The following CNBD1 variants were observed in gnomAD, a reference collection of about 807,000 sequenced individuals.
CNBD1 encodes cyclic nucleotide binding domain containing 1, also known as cyclic nucleotide-binding domain-containing protein 1.
In CNBD1, 71 loss-of-function variants were observed where a neutral mutation model predicts 54.4. The observed-to-expected ratio is 1.30, with a 90% confidence interval of 1.08 to 1.59. CNBD1 has a LOEUF of 1.59. Among genes scored for constraint, CNBD1 ranks in the 40% most tolerant of loss-of-function variants. The pLI, the probability that CNBD1 is intolerant of heterozygous loss-of-function variation, is 0.00. For synonymous variants in CNBD1, 182 were observed against 170.7 expected, an observed-to-expected ratio of 1.07 and a Z score of -0.51; for missense variants, 659 against 518.0, an observed-to-expected ratio of 1.27 and a Z score of -2.64.
At chr8:86,979,432 A>G (rs1261914255) in intron 4 of CNBD1, among the ~76,000 whole-genome samples, 4 of 145,092 alleles carry the variant, frequency 2.8e-5, no homozygotes, top group African/African-American at 7.6e-5. Context: ...AAAAAAAGGC[A>G]AAAACAATTT....
At chr8:87,039,563 AT>A (rs1486079969) in intron 4 of CNBD1, among the ~76,000 whole-genome samples, 3 of 152,148 alleles carry the variant, frequency 2.0e-5, no homozygotes, top group African/African-American at 7.2e-5. Flanking sequence ...GTTAAAAAAA[AT>A]GTATGTGTAG....
intron 2 of CNBD1, among the ~76,000 whole-genome samples, chr8:86,888,993 C>T (rs529922965): frequency 3.9e-5 from 6 of 152,208 alleles, no homozygotes; most frequent in Admixed American, 2.0e-4. Flanking sequence ...TGGGTGGTGT[C>T]GTCTTGTGAG....
chr8:86,925,469 G>T (rs183000338), intron 3 of CNBD1, among the ~76,000 whole-genome samples: 29 of 147,366 alleles, frequency 2.0e-4, no homozygotes, highest in African/African-American at 6.3e-4. Flanking sequence ...AAATATATAC[G>T]GGCTTACCAA....
intron 6 of CNBD1, among the ~76,000 whole-genome samples, chr8:87,272,602 C>A (rs867547613): frequency 3.9e-5 from 6 of 152,026 alleles, no homozygotes; most frequent in Middle Eastern, 3.4e-3. Context: ...TGATATTAAG[C>A]TCCCAAAATG....
chr8:87,330,536 T>A (rs1809802577), intron 8 of CNBD1, among the ~76,000 whole-genome samples: 1 of 152,146 alleles, frequency 6.6e-6, no homozygotes, highest in African/African-American at 2.4e-5. Context: ...GATTTTATCT[T>A]TGACCCATGT....
At chr8:87,384,891 G>C (rs920561752), downstream of CNBD1, among the ~76,000 whole-genome samples, 4 of 152,106 alleles carry the variant, frequency 2.6e-5, no homozygotes, top group East Asian at 7.7e-4. Context: ...TGAGTGAAAG[G>C]GGACATTGTA....
At chr8:87,357,003 G>A (rs1483987184) in intron 10 of CNBD1, among the ~76,000 whole-genome samples, 1 of 152,188 alleles carries the variant, frequency 6.6e-6, no homozygotes, top group Non-Finnish European at 1.5e-5. Flanking sequence ...TACAGCATGG[G>A]CTACTGCTCC....
intron 4 of CNBD1, among the ~76,000 whole-genome samples, chr8:87,053,788 G>C (rs1475514439): frequency 6.6e-6 from 1 of 152,134 alleles, no homozygotes; most frequent in East Asian, 1.9e-4. Context: ...GTTGTACTTG[G>C]GCAAAGCCCC....
At chr8:87,299,768 T>C (rs773681951) in intron 8 of CNBD1, among the ~76,000 whole-genome samples, 2 of 152,152 alleles carry the variant, frequency 1.3e-5, no homozygotes, top group Admixed American at 6.6e-5. Flanking sequence ...ATGGCAGATG[T>C]GGCCCTATGC....
At chr8:87,149,117 T>A (rs1322815079) in intron 4 of CNBD1, among the ~76,000 whole-genome samples, 1 of 152,224 alleles carries the variant, frequency 6.6e-6, no homozygotes, top group Non-Finnish European at 1.5e-5. Context: ...GAGGTTGAAA[T>A]GTCTTTTATT....
chr8:87,047,856 A>G (rs1810229419), intron 4 of CNBD1, among the ~76,000 whole-genome samples: 1 of 152,242 alleles, frequency 6.6e-6, no homozygotes, highest in Admixed American at 6.5e-5. Flanking sequence ...GCAGATCTCA[A>G]AAGGAAAAGT....
chr8:87,356,766 A>G lies in CNBD1; in HGVS notation c.1303+2980A>G, dbSNP rs1810427638. On this transcript the variant is annotated intron_variant, in intron 10 of 10. Coordinates refer to ENST00000518476, the MANE Select transcript of CNBD1 (RefSeq NM_173538.3). ...TGTGGAGCAACAACTTGCTAGAGGG[A>G]TTAGCTTGACTAAAAGGGAGACAAG... is the stretch of plus-strand genomic sequence containing the variant. Among the ~76,000 whole-genome samples the G allele has an allele frequency of 2.0e-5, 3 of 152,196 alleles. 1 individual carries two copies. In the South Asian group the frequency reaches 6.2e-4, roughly 31 times the overall value.
At chr8:87,143,240 A>G (rs1459870298) in intron 4 of CNBD1, among the ~76,000 whole-genome samples, 4 of 152,286 alleles carry the variant, frequency 2.6e-5, no homozygotes, top group African/African-American at 9.6e-5. Context: ...TCTCTACAGT[A>G]TGCCAAGGGA....
intron 4 of CNBD1, among the ~76,000 whole-genome samples, chr8:86,962,264 G>T (rs1807949931): frequency 6.6e-6 from 1 of 152,160 alleles, no homozygotes; most frequent in Non-Finnish European, 1.5e-5. Flanking sequence ...TCCAGAAAAA[G>T]AAGATCCATG....
At chr8:87,146,926 C>A (rs567844221) in intron 4 of CNBD1, among the ~76,000 whole-genome samples, 1 of 152,064 alleles carries the variant, frequency 6.6e-6, no homozygotes, top group African/African-American at 2.4e-5. Context: ...AGACACAAAT[C>A]AAATTATGTT....
chr8:86,980,482 G>T (rs187778768), intron 4 of CNBD1, among the ~76,000 whole-genome samples: 1 of 144,770 alleles, frequency 6.9e-6, no homozygotes, highest in East Asian at 1.9e-4. Context: ...CATATTTCGA[G>T]AAAGCATACA....
At chr8:87,111,790 C>T (rs1811669072) in intron 4 of CNBD1, among the ~76,000 whole-genome samples, 1 of 151,982 alleles carries the variant, frequency 6.6e-6, no homozygotes, top group African/African-American at 2.4e-5. Context: ...ACACCCCCCT[C>T]CCGCCCCCTG....
At chr8:87,338,112 T>C (rs1330634218) in intron 8 of CNBD1, among the ~76,000 whole-genome samples, 1 of 152,182 alleles carries the variant, frequency 6.6e-6, no homozygotes, top group Non-Finnish European at 1.5e-5. Context: ...TTAAACCTAA[T>C]CTGATTCTAA....
Position 87,273,071 on chromosome 8 carries a change from A to G in CNBD1, c.772-11607A>G, listed in dbSNP as rs80101055. Among the ~76,000 whole-genome samples the G allele has an allele frequency of 5.5e-3, 841 of 152,072 alleles. 11 individuals carry two copies. Among genetic ancestry groups the G allele is most frequent in the East Asian group, 0.044 (229 of 5,162 alleles). The stretch of plus-strand genomic sequence containing the variant: ...GATGTTACCCTTATATATCAGACAG[A>G]TCAATTTCCCCTAATAATAGGAAAA... On this transcript the variant is annotated intron_variant, in intron 6 of 10. Coordinates refer to ENST00000518476, the MANE Select transcript of CNBD1 (RefSeq NM_173538.3).
Sources: gnomAD v4.1 joint callset for allele counts (sites outside exome capture counted in the v4.1 genomes callset) on GRCh38, gnomAD v4.1.1 for gene constraint, MANE v1.5 for transcripts, NCBI Gene and HGNC (gene_info 2026-07-23, HGNC 2026-07-21) for gene names.